MGAT5: variants seen among roughly 807,000 people sequenced by gnomAD.
The protein encoded by MGAT5 is alpha-1,6-mannosylglycoprotein 6-beta-N-acetylglucosaminyltransferase A.
In MGAT5, 30 loss-of-function variants were observed where a neutral mutation model predicts 94.3. The ratio of observed to expected loss-of-function variants is 0.32; its 90% CI spans 0.24 to 0.43. The LOEUF is 0.43. Among genes scored for constraint, MGAT5 ranks in the 20% least tolerant of loss-of-function variants. The pLI, the probability that MGAT5 is intolerant of heterozygous loss-of-function variation, is 1.00. For missense variants in MGAT5, 691 were observed against 905.5 expected (o/e 0.76, Z 3.04); for synonymous variants, 310 against 322.9 (o/e 0.96, Z 0.43).
At chr2:134,380,607 A>G (rs1681478731) in intron 10 of MGAT5, among the ~76,000 whole-genome samples, 1 of 152,218 alleles carries the variant, frequency 6.6e-6, no homozygotes, top group South Asian at 2.1e-4. Flanking sequence ...TGAAGCTCTC[A>G]TGAGAGAAGA....
At chr2:134,322,957 C>T (rs1458879153) in intron 4 of MGAT5, among the ~76,000 whole-genome samples, 1 of 152,098 alleles carries the variant, frequency 6.6e-6, no homozygotes. Context: ...TAACAGATGC[C>T]AAAAGGACAT....
In MGAT5 at chr2:134,448,913, G is replaced by A; in HGVS notation, c.*66G>A. 6.6e-7 allele frequency: 1 copy of A among 1,521,826 alleles called. No individual in the cohort carries two copies. Among genetic ancestry groups the A allele is most frequent in the South Asian group, 1.2e-5 (1 of 85,954 alleles). The allele number at this position is 1,521,826 out of a possible 1,614,324, so 94.3% of individuals were successfully genotyped here. ...CAGTGGCCCCAGCCCCGTCAGGCAG[G>A]GCCAGGGACAGAAGTCATGCAGGGA... On this transcript the variant is annotated 3_prime_UTR_variant, in exon 16 of 16. Coordinates refer to ENST00000281923, the MANE Select transcript of MGAT5 (RefSeq NM_002410.5).
At chr2:134,159,854 C>G (rs1687650546) in intron 1 of MGAT5, among the ~76,000 whole-genome samples, 4 of 152,166 alleles carry the variant, frequency 2.6e-5, no homozygotes. Context: ...TACTTTAGCT[C>G]CTCTTCTCTC....
chr2:134,185,356 GA>G (rs1325701972), intron 1 of MGAT5, among the ~76,000 whole-genome samples: 1 of 152,160 alleles, frequency 6.6e-6, no homozygotes, highest in Non-Finnish European at 1.5e-5. Context: ...TTGTATATAT[GA>G]AGGTGCTGAT....
At chr2:134,354,504 A>T (rs1481427156) in intron 9 of MGAT5, among the ~76,000 whole-genome samples, 1 of 152,208 alleles carries the variant, frequency 6.6e-6, no homozygotes, top group Non-Finnish European at 1.5e-5. Flanking sequence ...TGCGTTCTTA[A>T]ATATTCATGG....
intron 1 of MGAT5, among the ~76,000 whole-genome samples, chr2:134,255,811 G>A (rs1682929844): frequency 1.3e-5 from 2 of 152,244 alleles, no homozygotes; most frequent in South Asian, 4.1e-4. Flanking sequence ...ATTTCAAATC[G>A]TGATTCCCAA....
chr2:134,269,769 T>C (rs1191024685), intron 1 of MGAT5, among the ~76,000 whole-genome samples: 5 of 152,186 alleles, frequency 3.3e-5, no homozygotes. Flanking sequence ...TAGAATAATA[T>C]CTGGCACATA....
intron 10 of MGAT5, among the ~76,000 whole-genome samples, chr2:134,377,487 T>G (rs1273785397): frequency 6.6e-6 from 1 of 152,206 alleles, no homozygotes; most frequent in Non-Finnish European, 1.5e-5. Context: ...TTGGGCCAAT[T>G]GAGATTGGCT....
intron 1 of MGAT5, among the ~76,000 whole-genome samples, chr2:134,166,914 A>G (rs1479089876): frequency 6.6e-6 from 1 of 152,180 alleles, no homozygotes; most frequent in Non-Finnish European, 1.5e-5. Context: ...GTTGATACAG[A>G]CTTGTCTCTT....
intron 14 of MGAT5, 104 bp from the exon 15 acceptor site, chr2:134,441,654 G>T: frequency 7.4e-7 from 1 of 1,358,626 alleles, no homozygotes; most frequent in Non-Finnish European, 1.0e-6. Context: ...CCCCGTCCCT[G>T]TGCTCTCCCA....
chr2:134,292,002 C>A (rs559020293), intron 2 of MGAT5, among the ~76,000 whole-genome samples: 1 of 152,036 alleles, frequency 6.6e-6, no homozygotes, highest in Non-Finnish European at 1.5e-5. Context: ...TTCTGTCAGG[C>A]CTGGTTGGCA....
At chr2:134,435,435 A>G (rs905864345) in intron 14 of MGAT5, among the ~76,000 whole-genome samples, 1 of 152,180 alleles carries the variant, frequency 6.6e-6, no homozygotes, top group African/African-American at 2.4e-5. Context: ...ATGCCTTATC[A>G]GGACATCATC....
At chr2:134,137,215 T>G (rs1417158316) in intron 1 of MGAT5, among the ~76,000 whole-genome samples, 1 of 152,216 alleles carries the variant, frequency 6.6e-6, no homozygotes, top group East Asian at 1.9e-4. Context: ...CCAAGAAATA[T>G]GTTGTGCACA....
At chr2:134,349,630 C>T (rs1207791409) in intron 8 of MGAT5, among the ~76,000 whole-genome samples, 175 bp from the exon 9 acceptor site, 5 of 152,202 alleles carry the variant, frequency 3.3e-5, no homozygotes, top group Non-Finnish European at 7.4e-5. Flanking sequence ...TAAAGTGACA[C>T]AAGTAGATGT....
At chr2:134,151,889 C>T (rs1573750993) in intron 1 of MGAT5, among the ~76,000 whole-genome samples, 1 of 136,600 alleles carries the variant, frequency 7.3e-6, no homozygotes, top group Non-Finnish European at 1.6e-5. Flanking sequence ...CCCTGTGGGA[C>T]CCGCCCACCG....
At chr2:134,357,138 A>G (rs991461626) in intron 9 of MGAT5, among the ~76,000 whole-genome samples, 1 of 152,204 alleles carries the variant, frequency 6.6e-6, no homozygotes, top group Non-Finnish European at 1.5e-5. Flanking sequence ...ATAGAATTAA[A>G]CTAGAATGAA....
upstream of MGAT5, among the ~76,000 whole-genome samples, chr2:134,252,396 T>A (rs1330279528): frequency 6.6e-6 from 1 of 152,096 alleles, no homozygotes; most frequent in South Asian, 2.1e-4. Context: ...AAGACAGAGG[T>A]TGAGCCTCAT....
intron 4 of MGAT5, among the ~76,000 whole-genome samples, chr2:134,335,987 A>G (rs1688310313): frequency 6.6e-6 from 1 of 152,158 alleles, no homozygotes; most frequent in Non-Finnish European, 1.5e-5. Flanking sequence ...ACTTCGAAGG[A>G]CAGATGTAAA....
In MGAT5 at chr2:134,453,458, T is replaced by C. The variant is rs1224441814; in HGVS notation, c.*4611T>C. 6.6e-6 allele frequency: 1 copy of C among 152,256 alleles called. No individual in the cohort carries two copies. Among genetic ancestry groups the C allele is most frequent in the African/African-American group, 2.4e-5 (1 of 41,470 alleles). 9.4% of individuals were successfully genotyped at this position (152,256 alleles called of 1,614,324 possible). A position where few individuals can be genotyped will look rare whatever the true frequency, so the allele number is the denominator to read the frequency against. On this transcript the variant is annotated 3_prime_UTR_variant, in exon 16 of 16. Transcript: ENST00000281923. ...TTTTCCTCAAGGAACATTTTTGAGC[T>C]AGAAATTAAAATGGGTTCTCTGGCA...
Sources: gnomAD v4.1 joint callset for allele counts (sites outside exome capture counted in the v4.1 genomes callset) on GRCh38, gnomAD v4.1.1 for gene constraint, MANE v1.5 for transcripts, NCBI Gene and HGNC (gene_info 2026-07-23, HGNC 2026-07-21) for gene names.